The following NEK11 variants were observed in gnomAD, a reference collection of about 807,000 sequenced individuals.
The protein encoded by NEK11 is serine/threonine-protein kinase Nek11.
In NEK11, 72 loss-of-function variants were observed where a neutral mutation model predicts 80.7. The observed-to-expected ratio is 0.89, with a 90% CI of 0.74 to 1.08. NEK11 has a LOEUF of 1.08. NEK11 is among the 50% of genes least tolerant of loss of function. The pLI is 0.00. For synonymous variants in NEK11, 251 were observed against 260.7 expected (o/e 0.96, Z 0.36); for missense variants, 764 against 763.6 (o/e 1.00, Z -0.01).
At chr3:131,200,736 A>G (rs562766088) in intron 14 of NEK11, among the ~76,000 whole-genome samples, 1 of 152,276 alleles carries the variant, frequency 6.6e-6, no homozygotes, top group Admixed American at 6.5e-5. Flanking sequence ...CTTCCCTGCT[A>G]TATAAACCCT....
chr3:131,108,646 T>G (rs908611396), intron 4 of NEK11, among the ~76,000 whole-genome samples: 7 of 152,100 alleles, frequency 4.6e-5, no homozygotes, highest in African/African-American at 1.4e-4. Flanking sequence ...GCCAGGCTAT[T>G]TTAGATGTTT....
chr3:131,129,412 T>G (rs914969498), intron 5 of NEK11, among the ~76,000 whole-genome samples: 1 of 152,150 alleles, frequency 6.6e-6, no homozygotes. Flanking sequence ...GCTTATCTTT[T>G]TATTCCTTGA....
At chr3:131,211,826 T>C (rs2094629139) in intron 14 of NEK11, among the ~76,000 whole-genome samples, 1 of 152,196 alleles carries the variant, frequency 6.6e-6, no homozygotes, top group Admixed American at 6.5e-5. Context: ...CCTCAGGCCG[T>C]TTAATGTCTT....
intron 14 of NEK11, among the ~76,000 whole-genome samples, chr3:131,190,885 A>T (rs1238439963): frequency 6.6e-6 from 1 of 152,126 alleles, no homozygotes; most frequent in Admixed American, 6.6e-5. Context: ...TGTCACCAAA[A>T]TTGGGAGGTA....
At chr3:131,063,439 T>A (rs1245105698) in intron 3 of NEK11, among the ~76,000 whole-genome samples, 1 of 152,098 alleles carries the variant, frequency 6.6e-6, no homozygotes, top group East Asian at 1.9e-4. Context: ...GAATTCTGAG[T>A]CTTGAATACA....
At chr3:131,233,684 A>G (rs2095377608) in intron 15 of NEK11, among the ~76,000 whole-genome samples, 1 of 152,226 alleles carries the variant, frequency 6.6e-6, no homozygotes, top group Non-Finnish European at 1.5e-5. Flanking sequence ...CAGTTCCTGC[A>G]TCTCTCAGAC....
intron 17 of NEK11, among the ~76,000 whole-genome samples, chr3:131,324,446 T>C (rs1288405576): frequency 6.6e-6 from 1 of 152,252 alleles, no homozygotes; most frequent in Non-Finnish European, 1.5e-5. Context: ...ATTTTCTCCT[T>C]TGTGATTTTT....
intron 17 of NEK11, among the ~76,000 whole-genome samples, chr3:131,312,404 A>G (rs2096791039): frequency 6.6e-6 from 1 of 152,194 alleles, no homozygotes; most frequent in African/African-American, 2.4e-5. Flanking sequence ...TAATCATTGT[A>G]GACATGAGCC....
intron 17 of NEK11, among the ~76,000 whole-genome samples, chr3:131,286,064 T>G (rs1364911875): frequency 6.6e-6 from 1 of 152,234 alleles, no homozygotes; most frequent in East Asian, 1.9e-4. Flanking sequence ...TACCATCCCT[T>G]CTACCCCTCT....
At chr3:131,320,520 G>GGA (rs144796371) in intron 17 of NEK11, among the ~76,000 whole-genome samples, 147 of 150,050 alleles carry the variant, frequency 9.8e-4, no homozygotes, top group African/African-American at 2.6e-3. Flanking sequence ...GGAAGAGGAG[G>GGA]GAGAGAGAGA....
intron 3 of NEK11, among the ~76,000 whole-genome samples, chr3:131,039,613 T>C (rs958548842): frequency 3.3e-5 from 5 of 152,220 alleles, no homozygotes; most frequent in Admixed American, 2.6e-4. Context: ...AAGAGTAATA[T>C]AGGCAATTTT....
chr3:131,049,441 A>G (rs1319493203), intron 3 of NEK11, among the ~76,000 whole-genome samples: 1 of 152,150 alleles, frequency 6.6e-6, no homozygotes, highest in Non-Finnish European at 1.5e-5. Flanking sequence ...GACTTAGCCC[A>G]CTTGTATCGT....
intron 17 of NEK11, among the ~76,000 whole-genome samples, chr3:131,320,664 T>C (rs898327817): frequency 1.3e-5 from 2 of 152,080 alleles, no homozygotes; most frequent in Non-Finnish European, 2.9e-5. Flanking sequence ...TGGGAAACAA[T>C]GCCTCCCAGC....
chr3:131,337,495 T>C (rs917955423), intron 17 of NEK11, among the ~76,000 whole-genome samples: 21 of 151,756 alleles, frequency 1.4e-4, no homozygotes, highest in African/African-American at 5.1e-4. Context: ...GGGATAGCAT[T>C]AGGAGCTATA....
At chr3:131,276,902 A>C (rs1283230044) in intron 17 of NEK11, among the ~76,000 whole-genome samples, 1 of 152,026 alleles carries the variant, frequency 6.6e-6, no homozygotes, top group Non-Finnish European at 1.5e-5. Flanking sequence ...CACACATTAC[A>C]CTCAGTTGCT....
In NEK11 at chr3:131,049,959, A is replaced by T. The variant is rs547520653; in HGVS notation, c.170+20081A>T. Among the ~76,000 whole-genome samples, 3 of 146,180 alleles carry T rather than the reference A, an allele frequency of 2.1e-5. No individual in the cohort carries two copies. In the East Asian group the frequency reaches 5.8e-4, roughly 28 times the overall value. On this transcript the variant is annotated intron_variant, in intron 3 of 17. Coordinates refer to ENST00000383366, the MANE Select transcript of NEK11 (RefSeq NM_024800.5). ...ATTGGGAAAATAAAACAGGTGTTTC[A>T]GTCCAAAAAAAAAAAAAAATCAAAA...
intron 14 of NEK11, among the ~76,000 whole-genome samples, chr3:131,216,713 C>T (rs1314156786): frequency 2.0e-5 from 3 of 152,026 alleles, no homozygotes; most frequent in African/African-American, 4.8e-5. Flanking sequence ...TTCATTTCTC[C>T]CTCAGAATAT....
intron 16 of NEK11, among the ~76,000 whole-genome samples, chr3:131,246,831 A>G (rs1448797247): frequency 6.6e-6 from 1 of 152,008 alleles, no homozygotes; most frequent in Non-Finnish European, 1.5e-5. Context: ...GTGGTATCAC[A>G]TTATGGTTTT....
intron 5 of NEK11, among the ~76,000 whole-genome samples, chr3:131,131,638 T>C (rs1270245357): frequency 6.6e-6 from 1 of 152,146 alleles, no homozygotes; most frequent in Admixed American, 6.5e-5. Context: ...TAGAGGCTAG[T>C]TGATTTTATT....
Sources: allele counts gnomAD v4.1 joint callset (sites outside exome capture counted in the v4.1 genomes callset), GRCh38; gene constraint gnomAD v4.1.1; transcripts MANE v1.5; gene names NCBI Gene and HGNC (gene_info 2026-07-23, HGNC 2026-07-21).